Variants in TSPAN3 observed in about 807,000 individuals in gnomAD.
The protein encoded by TSPAN3 is tetraspanin-3.
Under a neutral mutation model 31.1 loss-of-function variants are expected in TSPAN3, and 9 were observed. That is an observed-to-expected ratio of 0.29 (90% CI 0.17 to 0.50). The LOEUF (loss-of-function observed/expected upper bound fraction) is 0.50, where lower values mean the gene tolerates loss of function less well. Among genes scored for constraint, TSPAN3 ranks in the 20% least tolerant of loss-of-function variants. The pLI is 0.98. For synonymous variants in TSPAN3, 129 were observed against 114.3 expected (o/e 1.13, Z -0.82); for missense variants, 252 against 313.5 (o/e 0.80, Z 1.48).
chr15:77,067,791 A>C (rs149510752), intron 1 of TSPAN3: 92 of 152,330 alleles, frequency 6.0e-4, no homozygotes, highest in African/African-American at 2.2e-3. Flanking sequence ...ATTCTGGTAC[A>C]GTTTCTAATT....
At chr15:77,065,716 T>C (rs763740062) in intron 1 of TSPAN3, among the ~76,000 whole-genome samples, 26 of 152,356 alleles carry the variant, frequency 1.7e-4, no homozygotes, top group South Asian at 4.1e-4. Context: ...TGATAAGTTT[T>C]ATTTTTAAAG....
intron 4 of TSPAN3, among the ~76,000 whole-genome samples, chr15:77,053,218 G>A (rs564247157): frequency 2.0e-5 from 3 of 151,960 alleles, no homozygotes; most frequent in Admixed American, 6.5e-5. Flanking sequence ...TTGCCAGGCC[G>A]GGTGCAGTGG....
At position 77,071,067 on chromosome 15, in the gene TSPAN3, C is replaced by G. The variant is rs2076866893; in HGVS notation, c.-113G>C. 13 of 687,974 alleles carry G rather than the reference C, an allele frequency of 1.9e-5. No homozygotes were observed. Among genetic ancestry groups the G allele is most frequent in the Non-Finnish European group, 2.6e-5 (13 of 497,504 alleles). 42.6% of individuals were successfully genotyped at this position (687,974 alleles called of 1,614,324 possible). ...GAACTGCACGGCCTGCGCGGCGCTC[C>G]CCGCAGCCCCTGCGCCGTCGCGCAG... is the stretch of plus-strand genomic sequence containing the variant. On this transcript the variant is annotated 5_prime_UTR_variant, in exon 1 of 7. Transcript: ENST00000267970.
At chr15:77,047,887 T>C (rs541573736) in intron 6 of TSPAN3, among the ~76,000 whole-genome samples, 51 of 152,288 alleles carry the variant, frequency 3.3e-4, no homozygotes, top group Middle Eastern at 3.4e-3. Context: ...TTCCGCAAAA[T>C]GTACCCAATC....
At position 77,045,152 on chromosome 15, in the gene TSPAN3, A is replaced by T. The variant is rs2076682566; in HGVS notation, c.*1683T>A. The stretch of plus-strand genomic sequence containing the variant: ...CAGATGTGTTCTCTAACTACTCCCT[A>T]GCTCTGTGACTTTGTTTCCCCAGTT... On this transcript the variant is annotated 3_prime_UTR_variant, in exon 7 of 7. Transcript: ENST00000267970. 1 of 152,132 alleles carries T rather than the reference A, an allele frequency of 6.6e-6. No individual in the cohort carries two copies. The allele number at this position is 152,132 out of a possible 1,614,324, so 9.4% of individuals were successfully genotyped here. A position where few individuals can be genotyped will look rare whatever the true frequency, so the allele number is the denominator to read the frequency against.
intron 6 of TSPAN3, among the ~76,000 whole-genome samples, chr15:77,048,493 T>C (rs2076708407): frequency 1.3e-5 from 2 of 152,194 alleles, no homozygotes; most frequent in Non-Finnish European, 2.9e-5. Context: ...AATCAACTTG[T>C]ATTGATTTTA....
At chr15:77,063,505 G>C (rs2076812609) in intron 1 of TSPAN3, 1 of 151,918 alleles carries the variant, frequency 6.6e-6, no homozygotes, top group African/African-American at 2.4e-5. Flanking sequence ...GTGCCACCAA[G>C]CCTGGCTAAG....
chr15:77,046,247 C>T lies in TSPAN3; in HGVS notation c.*588G>A. The T allele has an allele frequency of 2.5e-6, 1 of 396,580 alleles. No individual in the cohort carries two copies. Among genetic ancestry groups the T allele is most frequent in the Admixed American group, 4.4e-5 (1 of 22,702 alleles). The allele number at this position is 396,580 out of a possible 1,614,324, so 24.6% of individuals were successfully genotyped here. A position where few individuals can be genotyped will look rare whatever the true frequency, so the allele number is the denominator to read the frequency against. On this transcript the variant is annotated 3_prime_UTR_variant, in exon 7 of 7. Coordinates refer to ENST00000267970, the MANE Select transcript of TSPAN3 (RefSeq NM_005724.6). ...CTATAAAGCCAACTTTGATTAAAAA[C>T]CACTAGTTTCAAAGCTCAGTCTCTG...
At chr15:77,068,591 G>A (rs2076847679) in intron 1 of TSPAN3, among the ~76,000 whole-genome samples, 1 of 152,108 alleles carries the variant, frequency 6.6e-6, no homozygotes, top group Admixed American at 6.5e-5. Flanking sequence ...ACTGTAAAGA[G>A]TACAAAGCCA....
At chr15:77,063,351 T>C (rs1356748697) in intron 1 of TSPAN3, 1 of 150,992 alleles carries the variant, frequency 6.6e-6, no homozygotes, top group Non-Finnish European at 1.5e-5. Context: ...TGTGTGTTTT[T>C]TTAACTCACC....
intron 1 of TSPAN3, chr15:77,070,142 A>T (rs992393923): frequency 2.6e-5 from 4 of 152,230 alleles, no homozygotes; most frequent in African/African-American, 9.6e-5. Flanking sequence ...AAGATGACAT[A>T]AACATTCCTT....
Position 77,044,052 on chromosome 15 carries a change from C to T in TSPAN3, c.*2783G>A, listed in dbSNP as rs1378563337. On this transcript the variant is annotated 3_prime_UTR_variant, in exon 7 of 7. Transcript: ENST00000267970. ...ATTTGTACAGTTTTTATTCTTGCAA[C>T]TTTTCTGTAGCTTTGAAATCATTTC... 6.6e-6 allele frequency: 1 copy of T among 152,158 alleles called. No homozygotes were observed. The highest frequency in any genetic ancestry group is 1.5e-5 in the Non-Finnish European group (1 of 68,026). The allele number at this position is 152,158 out of a possible 1,614,324, so 9.4% of individuals were successfully genotyped here. A position where few individuals can be genotyped will look rare whatever the true frequency, so the allele number is the denominator to read the frequency against.
chr15:77,070,975 G>T lies in TSPAN3; in HGVS notation c.-21C>A, dbSNP rs2076865753. The T allele has an allele frequency of 2.8e-6, 4 of 1,419,276 alleles. No individual in the cohort carries two copies. In the African/African-American group the frequency reaches 4.5e-5, roughly 16 times the overall value. The allele number at this position is 1,419,276 out of a possible 1,614,324, so 87.9% of individuals were successfully genotyped here. A position where few individuals can be genotyped will look rare whatever the true frequency, so the allele number is the denominator to read the frequency against. On this transcript the variant is annotated 5_prime_UTR_variant, in exon 1 of 7. Transcript: ENST00000267970. ...CCCATGGCGCCGGTGGCCCGCGAAG[G>T]CCCGGCCCGGAGAGCGGGGCTGCGC...
At chr15:77,055,607 TA>T in intron 3 of TSPAN3, 181 bp downstream of exon 3, 1 of 554,798 alleles carries the variant, frequency 1.8e-6, no homozygotes, top group Non-Finnish European at 3.2e-6. Context: ...TCTGCTATAT[TA>T]AATGAGGTAA....
chr15:77,052,339 G>C (rs1271126316), intron 6 of TSPAN3, 46 bp downstream of exon 6: 10 of 1,554,592 alleles, frequency 6.4e-6, no homozygotes, highest in Non-Finnish European at 8.9e-6. Flanking sequence ...GCTGACAACA[G>C]AGAACCAACT....
chr15:77,058,336 T>C (rs967906044), intron 1 of TSPAN3, among the ~76,000 whole-genome samples: 2 of 152,216 alleles, frequency 1.3e-5, no homozygotes, highest in African/African-American at 2.4e-5. Context: ...ATGAACAATA[T>C]AGAACTGTTA....
chr15:77,047,268 G>A (rs748768283), intron 6 of TSPAN3, among the ~76,000 whole-genome samples: 2 of 152,202 alleles, frequency 1.3e-5, no homozygotes, highest in Non-Finnish European at 2.9e-5. Context: ...GGCCTCATGT[G>A]ACTACTGAGC....
rs1005970073 is a variant in TSPAN3 at position 77,043,622 on chromosome 15, C to G, written c.*3213G>C. 1.3e-5 allele frequency: 2 copies of G among 152,126 alleles called. No homozygotes were observed. The highest frequency in any genetic ancestry group is 2.9e-5 in the Non-Finnish European group (2 of 68,048). 9.4% of individuals were successfully genotyped at this position (152,126 alleles called of 1,614,324 possible). On this transcript the variant is annotated 3_prime_UTR_variant, in exon 7 of 7. Coordinates refer to ENST00000267970, the MANE Select transcript of TSPAN3 (RefSeq NM_005724.6). ...TACAAACTGTTCCTATCATCACAGACAAAGCTATGGAAATGATCCAGATTA... is the reference window on the plus strand; with the variant it reads ...TACAAACTGTTCCTATCATCACAGAGAAAGCTATGGAAATGATCCAGATTA...
chr15:77,063,987 G>A (rs2076815472), intron 1 of TSPAN3: 1 of 152,184 alleles, frequency 6.6e-6, no homozygotes, highest in Non-Finnish European at 1.5e-5. Flanking sequence ...TGTAATGCTA[G>A]AGTTCATCCA....
Sources: gnomAD v4.1 joint callset for allele counts (sites outside exome capture counted in the v4.1 genomes callset) on GRCh38, gnomAD v4.1.1 for gene constraint, MANE v1.5 for transcripts, NCBI Gene and HGNC (gene_info 2026-07-23, HGNC 2026-07-21) for gene names.